Variants in PCDH15 observed in about 807,000 individuals in gnomAD.
The protein encoded by PCDH15 is protocadherin-15.
A neutral mutation model predicts 178.5 loss-of-function variants in PCDH15; 129 were observed. That is an observed-to-expected ratio of 0.72 (90% CI 0.63 to 0.84). The LOEUF is 0.84. PCDH15 is among the 40% of genes least tolerant of loss of function. The pLI, the probability that PCDH15 is intolerant of heterozygous loss-of-function variation, is 0.00. For missense variants in PCDH15, 2,230 were observed against 2,099.9 expected, an observed-to-expected ratio of 1.06 and a Z score of -1.21; for synonymous variants, 800 against 732.0, an observed-to-expected ratio of 1.09 and a Z score of -1.50.
At chr10:54,729,282 T>A (rs1943010682) in intron 1 of PCDH15, among the ~76,000 whole-genome samples, 1 of 151,670 alleles carries the variant, frequency 6.6e-6, no homozygotes, top group African/African-American at 2.4e-5. Flanking sequence ...TATAACCATC[T>A]AATCTGGGAC....
Position 54,961,951 on chromosome 10 carries a change from T to C in PCDH15, c.-79-64451A>G, listed in dbSNP as rs183422973. On this transcript the variant is annotated intron_variant, in intron 2 of 5. Coordinates refer to the PCDH15 transcript ENST00000458638. The stretch of plus-strand genomic sequence containing the variant: ...CCACTTTGGGTCTCCTCTACACTCA[T>C]TGGGATGATATGCCTACAGATAGGA... Among the ~76,000 whole-genome samples, 176 of 152,306 alleles carry C rather than the reference T, an allele frequency of 1.2e-3. 1 individual carries two copies. Among genetic ancestry groups the C allele is most frequent in the Admixed American group, 2.4e-3 (36 of 15,298 alleles).
Position 54,402,032 on chromosome 10 carries a change from T to C in PCDH15, c.158-23090A>G, listed in dbSNP as rs73251633. Reference sequence around the variant, plus strand: ...AGAAAATAAATCAAATCCAGCAATCTATAAAATAATGCATTATGACCAAGT... The same window carrying C: ...AGAAAATAAATCAAATCCAGCAATCCATAAAATAATGCATTATGACCAAGT... On this transcript the variant is annotated intron_variant, in intron 3 of 37. Coordinates refer to ENST00000644397, the MANE Select transcript of PCDH15 (RefSeq NM_001384140.1). Among the ~76,000 whole-genome samples the C allele has an allele frequency of 8.3e-3, 1,262 of 151,862 alleles. 17 individuals carry two copies. Among genetic ancestry groups the C allele is most frequent in the African/African-American group, 0.029 (1,193 of 41,486 alleles).
chr10:55,396,614 A>T (rs1422620285), intron 2 of PCDH15, among the ~76,000 whole-genome samples: 1 of 152,132 alleles, frequency 6.6e-6, no homozygotes, highest in Non-Finnish European at 1.5e-5. Flanking sequence ...AACAAAGAAA[A>T]CTTTGATTTC....
intron 25 of PCDH15, among the ~76,000 whole-genome samples, chr10:53,920,247 A>G (rs950523413): frequency 3.9e-5 from 6 of 152,108 alleles, no homozygotes; most frequent in African/African-American, 1.4e-4. Flanking sequence ...ATAAACAGGT[A>G]TATGTTTATA....
chr10:54,780,056 C>T (rs531690700), intron 1 of PCDH15, among the ~76,000 whole-genome samples: 1 of 152,066 alleles, frequency 6.6e-6, no homozygotes, highest in Non-Finnish European at 1.5e-5. Flanking sequence ...GGGTGGTTTG[C>T]TTGAATTCTA....
At chr10:54,725,223 A>G (rs940443386) in intron 1 of PCDH15, among the ~76,000 whole-genome samples, 2 of 151,214 alleles carry the variant, frequency 1.3e-5, no homozygotes, top group Admixed American at 6.6e-5. Flanking sequence ...ATATATTAAT[A>G]TTACTAATTT....
chr10:55,258,444 C>G (rs1842061557), intron 1 of PCDH15, among the ~76,000 whole-genome samples: 1 of 152,118 alleles, frequency 6.6e-6, no homozygotes, highest in South Asian at 2.1e-4. Flanking sequence ...TTCAAGTTGC[C>G]TGCTTAGGTC....
intron 3 of PCDH15, among the ~76,000 whole-genome samples, chr10:54,403,217 G>A (rs921155277): frequency 1.3e-5 from 2 of 152,094 alleles, no homozygotes; most frequent in African/African-American, 2.4e-5. Flanking sequence ...TCTCTACATA[G>A]CTATGAAGGC....
At chr10:54,546,365 ATTC>A (rs1016950726) in intron 2 of PCDH15, among the ~76,000 whole-genome samples, 3 of 152,284 alleles carry the variant, frequency 2.0e-5, no homozygotes, top group African/African-American at 7.2e-5. Flanking sequence ...CTGTCTGTAC[ATTC>A]TTAGTTTTGA....
intron 33 of PCDH15, among the ~76,000 whole-genome samples, chr10:53,818,970 A>C (rs1003291780): frequency 1.3e-5 from 2 of 151,958 alleles, no homozygotes; most frequent in Non-Finnish European, 2.9e-5. Context: ...TTGTATATTG[A>C]AACTGTTTGT....
At chr10:55,368,028 T>C (rs1035922303) in intron 2 of PCDH15, among the ~76,000 whole-genome samples, 3 of 152,168 alleles carry the variant, frequency 2.0e-5, no homozygotes, top group Admixed American at 6.5e-5. Context: ...CTTAATCCTT[T>C]AGTTTTTGCT....
At chr10:55,229,158 G>T (rs539822937) in intron 1 of PCDH15, among the ~76,000 whole-genome samples, 4 of 151,258 alleles carry the variant, frequency 2.6e-5, no homozygotes, top group African/African-American at 9.7e-5. Flanking sequence ...TCTCTCCAAC[G>T]TATTTAAAAA....
intron 8 of PCDH15, among the ~76,000 whole-genome samples, chr10:54,260,660 A>T (rs1032696341): frequency 6.6e-6 from 1 of 152,080 alleles, no homozygotes; most frequent in Non-Finnish European, 1.5e-5. Flanking sequence ...GGCTCACTGC[A>T]ACCTCCACCT....
intron 2 of PCDH15, among the ~76,000 whole-genome samples, chr10:54,941,680 C>T (rs1304467): frequency 0.055 from 8,344 of 151,940 alleles, 728 homozygotes; most frequent in African/African-American, 0.19. Flanking sequence ...TTGTTAAAAC[C>T]TAGAGTTTTA....
chr10:54,803,790 G>A (rs60342664), upstream of PCDH15, among the ~76,000 whole-genome samples: 491 of 152,262 alleles, frequency 3.2e-3, 1 homozygote, highest in African/African-American at 0.011. Context: ...TGTATTAGGT[G>A]CTTTAGAAAG....
At chr10:55,054,160 C>G (rs1368662280) in intron 2 of PCDH15, among the ~76,000 whole-genome samples, 1 of 152,066 alleles carries the variant, frequency 6.6e-6, no homozygotes, top group East Asian at 1.9e-4. Flanking sequence ...TACTCATGTA[C>G]TGTTTTGATG....
chr10:53,987,900 C>T (rs550392667), intron 21 of PCDH15, among the ~76,000 whole-genome samples: 3 of 152,300 alleles, frequency 2.0e-5, no homozygotes, highest in South Asian at 2.1e-4. Flanking sequence ...TTCCACTAAT[C>T]AGTCCTTGAC....
At chr10:53,857,722 T>C (rs1195985253) in intron 27 of PCDH15, among the ~76,000 whole-genome samples, 1 of 152,080 alleles carries the variant, frequency 6.6e-6, no homozygotes, top group East Asian at 1.9e-4. Context: ...TCACATATAG[T>C]TTTCTTGTCT....
intron 2 of PCDH15, among the ~76,000 whole-genome samples, chr10:55,625,565 A>C (rs1837509397): frequency 6.6e-6 from 1 of 152,170 alleles, no homozygotes; most frequent in Non-Finnish European, 1.5e-5. Flanking sequence ...TTCAGGCACT[A>C]AACTTTGAGA....
Sources: allele counts gnomAD v4.1 joint callset (sites outside exome capture counted in the v4.1 genomes callset), GRCh38; gene constraint gnomAD v4.1.1; transcripts MANE v1.5; gene names NCBI Gene and HGNC (gene_info 2026-07-23, HGNC 2026-07-21).